ZFR: variants seen among roughly 807,000 people sequenced by gnomAD.
ZFR encodes the protein zinc finger RNA-binding protein.
Under a neutral mutation model 130.7 loss-of-function variants are expected in ZFR, and 19 were observed. The observed-to-expected ratio is 0.15, with a 90% confidence interval of 0.10 to 0.21. The LOEUF (loss-of-function observed/expected upper bound fraction) is 0.21, where lower values mean the gene tolerates loss of function less well. Among genes scored for constraint, ZFR ranks in the 10% least tolerant of loss-of-function variants. The probability of loss-of-function intolerance (pLI) is 1.00; values close to 1 mark genes in which losing one functional copy is unlikely to be tolerated. For missense variants in ZFR, 872 were observed against 1,321.5 expected (o/e 0.66, Z 5.27); for synonymous variants, 466 against 456.9 (o/e 1.02, Z -0.25).
intron 9 of ZFR, among the ~76,000 whole-genome samples, chr5:32,399,708 T>C (rs1753400607): frequency 6.6e-6 from 1 of 152,210 alleles, no homozygotes; most frequent in African/African-American, 2.4e-5. Context: ...TAAAGTTTTA[T>C]GATAGTTGAA....
At chr5:32,428,490 C>T (rs1487723674) in intron 2 of ZFR, among the ~76,000 whole-genome samples, 1 of 152,196 alleles carries the variant, frequency 6.6e-6, no homozygotes, top group Non-Finnish European at 1.5e-5. Flanking sequence ...AGGAGGATCA[C>T]TTGAGCCTAG....
chr5:32,390,873 T>C (rs1336564867), intron 11 of ZFR, among the ~76,000 whole-genome samples: 9 of 152,202 alleles, frequency 5.9e-5, no homozygotes, highest in Non-Finnish European at 2.9e-5. Flanking sequence ...CAGTGATAAA[T>C]GGCAAGTCAT....
At chr5:32,443,133 C>T (rs1754510070) in intron 2 of ZFR, among the ~76,000 whole-genome samples, 1 of 151,938 alleles carries the variant, frequency 6.6e-6, no homozygotes, top group Admixed American at 6.6e-5. Flanking sequence ...CACCGTGCCT[C>T]CTGAAGTAAA....
At chr5:32,409,362 C>T (rs911764072) in intron 5 of ZFR, among the ~76,000 whole-genome samples, 8 of 152,010 alleles carry the variant, frequency 5.3e-5, no homozygotes, top group African/African-American at 7.3e-5. Flanking sequence ...CATGTAAGTG[C>T]TATATAAATG....
intron 19 of ZFR, among the ~76,000 whole-genome samples, chr5:32,358,616 C>T (rs191432514): frequency 1.1e-4 from 17 of 151,350 alleles, no homozygotes; most frequent in East Asian, 5.9e-4. Flanking sequence ...GGCGACACGG[C>T]GAGACTCCGT....
At chr5:32,377,014 G>A (rs893611740) in intron 17 of ZFR, among the ~76,000 whole-genome samples, 6 of 148,246 alleles carry the variant, frequency 4.0e-5, no homozygotes, top group South Asian at 2.1e-4. Context: ...AAATTTAGCC[G>A]GGCGTGGTGG....
intron 3 of ZFR, among the ~76,000 whole-genome samples, chr5:32,418,996 A>G (rs1753893856): frequency 6.6e-6 from 1 of 152,214 alleles, no homozygotes; most frequent in Non-Finnish European, 1.5e-5. Context: ...TTGTTATAAT[A>G]TGTATTAAAA....
In ZFR at chr5:32,406,748, CA is replaced by C. The variant is rs756181682; in HGVS notation, c.1032+25del. On this transcript the variant is annotated intron_variant, in intron 6 of 19. Transcript: ENST00000265069. The stretch of plus-strand genomic sequence containing the variant: ...CTACACTTAATAACCACTGAAGACT[CA>C]AGGTAAAACATACAACGTAAGTACC... The C allele has an allele frequency of 5.0e-6, 8 of 1,590,942 alleles. No homozygotes were observed. The South Asian group carries it at 5.8e-5, about 11-fold the overall frequency.
At chr5:32,409,748 G>A (rs1753657946) in intron 5 of ZFR, among the ~76,000 whole-genome samples, 1 of 152,162 alleles carries the variant, frequency 6.6e-6, no homozygotes, top group Non-Finnish European at 1.5e-5. Context: ...CATGGTTGCT[G>A]AACCGATGGA....
At chr5:32,444,124 C>A (rs1249441462) in intron 2 of ZFR, 105 bp downstream of exon 2, 6 of 1,310,994 alleles carry the variant, frequency 4.6e-6, no homozygotes, top group South Asian at 1.4e-5. Flanking sequence ...TGCAGCGGGC[C>A]GGGGCTCTGG....
intron 2 of ZFR, 77 bp downstream of exon 2, chr5:32,444,152 G>A: frequency 6.7e-7 from 1 of 1,498,936 alleles, no homozygotes; most frequent in Non-Finnish European, 9.0e-7. Flanking sequence ...GGGGACGGGC[G>A]CGGGGGCGTC....
At chr5:32,414,894 A>G in intron 5 of ZFR, 75 bp downstream of exon 5, 1 of 1,332,246 alleles carries the variant, frequency 7.5e-7, no homozygotes, top group Non-Finnish European at 1.0e-6. Context: ...GGTAATTTCA[A>G]AGACAATCAA....
At chr5:32,368,242 T>A (rs1039084188) in intron 17 of ZFR, among the ~76,000 whole-genome samples, 1 of 836 alleles carries the variant, frequency 1.2e-3, no homozygotes, top group Admixed American at 0.018. Context: ...TCAAAACTTT[T>A]TTCCCCCCCC....
intron 2 of ZFR, among the ~76,000 whole-genome samples, chr5:32,442,461 A>G (rs1285580876): frequency 6.6e-6 from 1 of 152,250 alleles, no homozygotes; most frequent in African/African-American, 2.4e-5. Flanking sequence ...AAGTTTTATC[A>G]AAGTAGCTGA....
rs1335296608 is a variant in ZFR at position 32,415,059 on chromosome 5, A to C, written c.694T>G (p.Ser232Ala). 1 of 1,614,142 alleles carries C rather than the reference A, an allele frequency of 6.2e-7. No homozygotes were observed. The highest frequency in any genetic ancestry group is 1.7e-5 in the Admixed American group (1 of 60,018). ...GCAGCTGCTACTGGCTGTACGGTGG[A>C]GGATACAGGATAGATGGAGAAAGTA... ...TTTFSIYPVSSTVQPVAAAAT... is the reference protein window; with the variant it reads ...TTTFSIYPVSATVQPVAAAAT... Residue 232 changes from serine to alanine, a missense_variant, in exon 5 of 20, where the codon TCC (serine) becomes GCC (alanine). Ser to Ala is a moderately conservative substitution (Grantham distance 99). Around this residue, in one of 7 missense-constraint regions of ZFR, gnomAD observed 240 missense variants for 441.2 expected, o/e 0.54. Transcript: ENST00000265069.
intron 4 of ZFR, among the ~76,000 whole-genome samples, chr5:32,416,524 G>A (rs1753829395): frequency 6.7e-6 from 1 of 150,144 alleles, no homozygotes; most frequent in Non-Finnish European, 1.5e-5. Context: ...TGAGGCAGGA[G>A]AATCGCTTGA....
intron 8 of ZFR, among the ~76,000 whole-genome samples, chr5:32,401,685 A>G (rs925507574): frequency 6.6e-6 from 1 of 152,198 alleles, no homozygotes; most frequent in African/African-American, 2.4e-5. Flanking sequence ...ATTTTATCCT[A>G]TTGCAGTGGA....
chr5:32,364,130 C>A, intron 18 of ZFR, 34 bp downstream of exon 18: 1 of 1,594,288 alleles, frequency 6.3e-7, no homozygotes, highest in Non-Finnish European at 8.6e-7. Context: ...GAGTAAACTT[C>A]ATTTTACTTC....
At chr5:32,374,314 T>C (rs1285060932) in intron 17 of ZFR, among the ~76,000 whole-genome samples, 3 of 152,082 alleles carry the variant, frequency 2.0e-5, no homozygotes, top group Admixed American at 6.6e-5. Context: ...TAGACTACCC[T>C]GGCCAACATG....
Sources: allele counts gnomAD v4.1 joint callset (sites outside exome capture counted in the v4.1 genomes callset), GRCh38; gene constraint gnomAD v4.1.1; regional missense constraint gnomAD v4.1.1; transcripts MANE v1.5; gene names NCBI Gene and HGNC (gene_info 2026-07-23, HGNC 2026-07-21).